PIGS: variants seen among roughly 807,000 people sequenced by gnomAD.
The protein encoded by PIGS is GPI-anchor transamidase component PIGS.
PIGS carries 37 observed loss-of-function variants against 58.2 expected under a neutral mutation model. That is an observed-to-expected ratio of 0.64 (90% CI 0.49 to 0.84). PIGS has a LOEUF of 0.84. Among genes scored for constraint, PIGS ranks in the 40% least tolerant of loss-of-function variants. The probability of loss-of-function intolerance (pLI) is 0.00; values close to 1 mark genes in which losing one functional copy is unlikely to be tolerated. For synonymous variants in PIGS, 269 were observed against 289.2 expected (o/e 0.93, Z 0.71); for missense variants, 629 against 710.8 (o/e 0.88, Z 1.31).
rs552477345 is a variant in PIGS, at chr17:28,562,617, A to T, written c.468+814T>A. Among the ~76,000 whole-genome samples the T allele has an allele frequency of 2.0e-5, 3 of 152,114 alleles. No individual in the cohort carries two copies. In the East Asian group the frequency reaches 5.8e-4, roughly 30 times the overall value. Reference sequence around the variant, plus strand: ...CCCGGCTAATTTTTGTATTTTTAGTAGAAATGGGGTTTCACCATGTTGACC... The same window carrying T: ...CCCGGCTAATTTTTGTATTTTTAGTTGAAATGGGGTTTCACCATGTTGACC... On this transcript the variant is annotated intron_variant, in intron 5 of 11. Coordinates refer to ENST00000308360, the MANE Select transcript of PIGS (RefSeq NM_033198.4).
intron 3 of PIGS, among the ~76,000 whole-genome samples, chr17:28,564,551 C>A (rs1029559874): frequency 1.3e-5 from 2 of 151,814 alleles, no homozygotes; most frequent in African/African-American, 4.8e-5. Context: ...CCATCTCTAC[C>A]AAAAATACAA....
intron 3 of PIGS, among the ~76,000 whole-genome samples, chr17:28,570,193 T>G (rs2070418582): frequency 6.6e-6 from 1 of 152,228 alleles, no homozygotes; most frequent in Non-Finnish European, 1.5e-5. Flanking sequence ...TAAAAAAAAG[T>G]ACCCCAGTAA....
chr17:28,570,087 T>C (rs1296919417), intron 3 of PIGS, among the ~76,000 whole-genome samples: 3 of 152,248 alleles, frequency 2.0e-5, no homozygotes, highest in African/African-American at 7.2e-5. Flanking sequence ...CTGTTTCTTG[T>C]ATACTTCTAC....
chr17:28,570,974 G>A lies in PIGS; in HGVS notation c.175-11C>T, dbSNP rs757005401. 14 of 1,614,250 alleles carry A rather than the reference G, an allele frequency of 8.7e-6. No individual in the cohort carries two copies. The highest frequency in any genetic ancestry group is 6.8e-6 in the Non-Finnish European group (8 of 1,180,048). On this transcript the variant is annotated splice_polypyrimidine_tract_variant and intron_variant, in intron 2 of 11. Transcript: ENST00000308360. ...CACCATGAGGCGGAGCTACAGGAAG[G>A]AGCATCAGGGCCGTCACTGAGTCTC...
chr17:28,568,596 G>C (rs1024112999), intron 3 of PIGS, among the ~76,000 whole-genome samples: 1 of 152,212 alleles, frequency 6.6e-6, no homozygotes, highest in South Asian at 2.1e-4. Flanking sequence ...ACACAAATAA[G>C]TGGCAGAATA....
intron 3 of PIGS, among the ~76,000 whole-genome samples, chr17:28,565,864 T>C (rs1306533928): frequency 6.6e-6 from 1 of 152,158 alleles, no homozygotes; most frequent in East Asian, 1.9e-4. Context: ...ACCCCGTTTC[T>C]ACTAAAATTA....
chr17:28,561,375 T>C, intron 6 of PIGS, 47 bp downstream of exon 6: 1 of 1,594,198 alleles, frequency 6.3e-7, no homozygotes. Flanking sequence ...TCCTGCCCCA[T>C]GTAATTCATT....
Position 28,571,516 on chromosome 17 carries a change from G to A in PIGS, c.-20C>T. The A allele has an allele frequency of 1.9e-6, 3 of 1,595,984 alleles. No homozygotes were observed. Among genetic ancestry groups the A allele is most frequent in the Non-Finnish European group, 1.7e-6 (2 of 1,171,440 alleles). Reference sequence around the variant, plus strand: ...CGCCATGCTAGCTTCCGGCTGCTCCGGCCACCGTGGGGGCAGAGCTTCGTG... The same window carrying A: ...CGCCATGCTAGCTTCCGGCTGCTCCAGCCACCGTGGGGGCAGAGCTTCGTG... On this transcript the variant is annotated 5_prime_UTR_variant, in exon 1 of 12. Coordinates refer to ENST00000308360, the MANE Select transcript of PIGS (RefSeq NM_033198.4).
chr17:28,559,659 C>T (rs2070350764), intron 7 of PIGS, among the ~76,000 whole-genome samples: 3 of 148,462 alleles, frequency 2.0e-5, no homozygotes, highest in African/African-American at 2.5e-5. Flanking sequence ...TGGGATCACA[C>T]CACTGCACTC....
intron 3 of PIGS, among the ~76,000 whole-genome samples, chr17:28,565,828 A>G (rs2070390775): frequency 6.6e-6 from 1 of 152,198 alleles, no homozygotes; most frequent in Non-Finnish European, 1.5e-5. Flanking sequence ...CCAGGAGTTC[A>G]AGACCAGCCT....
intron 3 of PIGS, 121 bp from the exon 4 acceptor site, chr17:28,564,028 A>C: frequency 1.3e-6 from 1 of 785,602 alleles, no homozygotes; most frequent in Non-Finnish European, 2.1e-6. Flanking sequence ...GAAAAAGACC[A>C]AGCAGCTGCA....
chr17:28,563,249 C>T (rs949035049), intron 5 of PIGS, among the ~76,000 whole-genome samples, 182 bp downstream of exon 5: 3 of 151,834 alleles, frequency 2.0e-5, no homozygotes, highest in South Asian at 2.1e-4. Flanking sequence ...GCCGAGATCC[C>T]GCCACTGTAC....
At chr17:28,557,215 C>A in intron 8 of PIGS, 1 of 493,534 alleles carries the variant, frequency 2.0e-6, no homozygotes, top group Non-Finnish European at 3.6e-6. Context: ...TCCTCAAAGG[C>A]CCCTTGACTG....
chr17:28,568,664 G>A (rs539035670), intron 3 of PIGS, among the ~76,000 whole-genome samples: 3 of 152,184 alleles, frequency 2.0e-5, no homozygotes, highest in Non-Finnish European at 2.9e-5. Context: ...CCCTTTATAC[G>A]TGTTGCCTAT....
intron 3 of PIGS, among the ~76,000 whole-genome samples, chr17:28,567,621 CTTAG>C (rs1191939902): frequency 5.9e-5 from 9 of 152,176 alleles, no homozygotes; most frequent in African/African-American, 1.4e-4. Flanking sequence ...TCACTGCTAA[CTTAG>C]TTAGGTGTGA....
intron 3 of PIGS, among the ~76,000 whole-genome samples, chr17:28,565,279 C>T (rs1435841682): frequency 6.6e-6 from 1 of 152,008 alleles, no homozygotes; most frequent in Non-Finnish European, 1.5e-5. Flanking sequence ...TAAAAATACC[C>T]AGGAATAAAT....
chr17:28,571,439 C>T, intron 1 of PIGS, 24 bp downstream of exon 1: 2 of 1,606,342 alleles, frequency 1.2e-6, no homozygotes, highest in South Asian at 1.1e-5. Context: ...TAGCTGCAGG[C>T]CCCCCACCCG....
Position 28,558,573 on chromosome 17 carries a change from C to A in PIGS, c.837G>T (p.Met279Ile), listed in dbSNP as rs770849734. Residue 279 changes from methionine to isoleucine, a missense_variant, in exon 8 of 12, where the codon ATG becomes ATT. Transcript: ENST00000308360. ...SVDSQILYYA[M>I]LGVNPRFDSA... ...AGTCAAAGCGGGGATTCACCCCCAACATTGCATAGTAAAGAATCTGTAGAG... is the reference window on the plus strand; with the variant it reads ...AGTCAAAGCGGGGATTCACCCCCAAAATTGCATAGTAAAGAATCTGTAGAG... 7 of 1,611,014 alleles carry A rather than the reference C, an allele frequency of 4.3e-6. No homozygotes were observed. The highest frequency in any genetic ancestry group is 5.9e-6 in the Non-Finnish European group (7 of 1,178,656).
Position 28,563,465 on chromosome 17 carries a change from T to C in PIGS, c.434A>G (p.Tyr145Cys). The change falls in exon 5 of 12, where the codon TAC becomes TGC. Residue 145 changes from tyrosine (Y) to cysteine (C), a missense_variant. Coordinates refer to ENST00000308360, the MANE Select transcript of PIGS (RefSeq NM_033198.4). ...QEQAEGSLTVYVISEHSSLLP... is the reference protein window; with the variant it reads ...QEQAEGSLTVCVISEHSSLLP... Reference sequence around the variant, plus strand: ...AAGTGAGGAGTGTTCAGATATCACGTACACAGTCAGGGAGCCCTCCGCTTG... The same window carrying C: ...AAGTGAGGAGTGTTCAGATATCACGCACACAGTCAGGGAGCCCTCCGCTTG... The C allele has an allele frequency of 6.2e-7, 1 of 1,614,134 alleles. No individual in the cohort carries two copies. Among genetic ancestry groups the C allele is most frequent in the Non-Finnish European group, 8.5e-7 (1 of 1,180,030 alleles).
Sources: gnomAD v4.1 joint callset for allele counts (sites outside exome capture counted in the v4.1 genomes callset) on GRCh38, gnomAD v4.1.1 for gene constraint, MANE v1.5 for transcripts, NCBI Gene and HGNC (gene_info 2026-07-23, HGNC 2026-07-21) for gene names.